Variants in TRIM58 observed in about 807,000 individuals in gnomAD.
TRIM58 encodes the protein tripartite motif containing 58.
TRIM58 carries 38 observed loss-of-function variants against 34.1 expected under a neutral mutation model. That is an observed-to-expected ratio of 1.12 (90% CI 0.86 to 1.46). The LOEUF (loss-of-function observed/expected upper bound fraction) is 1.46, where lower values mean the gene tolerates loss of function less well. Among genes scored for constraint, TRIM58 ranks in the 40% most tolerant of loss-of-function variants. The pLI is 0.00. For missense variants in TRIM58, 677 were observed against 642.0 expected (o/e 1.05, Z -0.59); for synonymous variants, 273 against 275.7 (o/e 0.99, Z 0.10).
chr1:247,863,586 C>T (rs1663850211), intron 2 of TRIM58, among the ~76,000 whole-genome samples: 1 of 151,720 alleles, frequency 6.6e-6, no homozygotes, highest in Admixed American at 6.6e-5. Flanking sequence ...ACCTACAAGG[C>T]CGTATAACAA....
At chr1:247,870,024 A>G (rs1659066049) in intron 5 of TRIM58, among the ~76,000 whole-genome samples, 1 of 152,096 alleles carries the variant, frequency 6.6e-6, no homozygotes, top group Non-Finnish European at 1.5e-5. Flanking sequence ...AAGTGTTGAA[A>G]AGTAGACAGT....
chr1:247,861,339 T>C (rs907512258), intron 2 of TRIM58, among the ~76,000 whole-genome samples: 7 of 152,088 alleles, frequency 4.6e-5, no homozygotes, highest in African/African-American at 1.4e-4. Flanking sequence ...GATAACATTT[T>C]GCAATTTCTG....
At position 247,857,612 on chromosome 1, in the gene TRIM58, C is replaced by G; in HGVS notation, c.366C>G (p.Pro122=). The G allele has an allele frequency of 1.6e-6, 2 of 1,257,154 alleles. No individual in the cohort carries two copies. The highest frequency in any genetic ancestry group is 1.0e-6 in the Non-Finnish European group (1 of 1,004,100). 77.9% of individuals were successfully genotyped at this position (1,257,154 alleles called of 1,614,324 possible). A position where few individuals can be genotyped will look rare whatever the true frequency, so the allele number is the denominator to read the frequency against. Residue 122 remains proline (P), a synonymous_variant, in exon 1 of 6, where the codon CCC becomes CCG. Coordinates refer to ENST00000366481, the MANE Select transcript of TRIM58 (RefSeq NM_015431.4). ...AALCWVCDAG[P]EHRTHRTAPL... ...TGTGCTGGGTGTGCGACGCCGGCCCCGAGCACAGGACGCACCGCACGGCGC... is the reference window on the plus strand; with the variant it reads ...TGTGCTGGGTGTGCGACGCCGGCCCGGAGCACAGGACGCACCGCACGGCGC...
chr1:247,862,113 A>T (rs1663806668), intron 2 of TRIM58, among the ~76,000 whole-genome samples: 1 of 152,126 alleles, frequency 6.6e-6, no homozygotes, highest in South Asian at 2.1e-4. Context: ...GGGCAACAAG[A>T]GTGAAACTCT....
At chr1:247,859,152 A>G (rs1663719021) in intron 1 of TRIM58, among the ~76,000 whole-genome samples, 1 of 152,116 alleles carries the variant, frequency 6.6e-6, no homozygotes, top group African/African-American at 2.4e-5. Context: ...TCTCAGTGAA[A>G]GCTTTCTAGG....
chr1:247,878,234 A>T lies in TRIM58; in HGVS notation c.*1745A>T, dbSNP rs914787230. 1.3e-5 allele frequency: 2 copies of T among 152,112 alleles called. No homozygotes were observed. Among genetic ancestry groups the T allele is most frequent in the Non-Finnish European group, 2.9e-5 (2 of 68,032 alleles). The allele number at this position is 152,112 out of a possible 1,614,324, so 9.4% of individuals were successfully genotyped here. A position where few individuals can be genotyped will look rare whatever the true frequency, so the allele number is the denominator to read the frequency against. ...ATTACACAAATGCTAAAATGTTTAA[A>T]TGGTAAATGCTTCAATGCTAACCAA... On this transcript the variant is annotated 3_prime_UTR_variant, in exon 6 of 6. Coordinates refer to ENST00000366481, the MANE Select transcript of TRIM58 (RefSeq NM_015431.4).
In TRIM58 at chr1:247,876,539, G is replaced by A; in HGVS notation, c.*50G>A. On this transcript the variant is annotated 3_prime_UTR_variant, in exon 6 of 6. Coordinates refer to ENST00000366481, the MANE Select transcript of TRIM58 (RefSeq NM_015431.4). ...TAGCGTAGCGAACGTTCCTGGAGTG[G>A]GGTGAAGGATATCAATATACTAAGT... 7.0e-7 allele frequency: 1 copy of A among 1,430,494 alleles called. No homozygotes were observed. The allele number at this position is 1,430,494 out of a possible 1,614,324, so 88.6% of individuals were successfully genotyped here.
Position 247,870,106 on chromosome 1 carries a change from T to A in TRIM58, c.871+2043T>A, listed in dbSNP as rs114068303. ...CTTCCTGCAATATGAGCTAAATTAA[T>A]TAAAATGCAGGGACTTCAGGCAGAT... On this transcript the variant is annotated intron_variant, in intron 5 of 5. Coordinates refer to ENST00000366481, the MANE Select transcript of TRIM58 (RefSeq NM_015431.4). Among the ~76,000 whole-genome samples, 523 of 152,292 alleles carry A rather than the reference T, an allele frequency of 3.4e-3. 3 individuals carry two copies. The highest frequency in any genetic ancestry group is 0.011 in the African/African-American group (454 of 41,562).
At chr1:247,857,828 G>A (rs1340674688) in intron 1 of TRIM58, among the ~76,000 whole-genome samples, 162 bp downstream of exon 1, 1 of 152,118 alleles carries the variant, frequency 6.6e-6, no homozygotes, top group Non-Finnish European at 1.5e-5. Flanking sequence ...CTCAGTGTGG[G>A]TCTCTTTGCC....
At position 247,864,782 on chromosome 1, in the gene TRIM58, A is replaced by G. The variant is rs376297025; in HGVS notation, c.594A>G (p.Gln198=). The change falls in exon 3 of 6, where the codon CAA becomes CAG. Residue 198 remains glutamine, a synonymous_variant. Coordinates refer to ENST00000366481, the MANE Select transcript of TRIM58 (RefSeq NM_015431.4). ...KHRGFLAQEE[Q]RQLRRLEAEE... ...GTGGCTTTCTGGCCCAGGAGGAGCA[A>G]CGGCAGCTGAGGCGGCTGGAGGCGG... The G allele has an allele frequency of 1.2e-6, 2 of 1,614,148 alleles. No homozygotes were observed. The highest frequency in any genetic ancestry group is 1.7e-6 in the Non-Finnish European group (2 of 1,180,024).
intron 1 of TRIM58, among the ~76,000 whole-genome samples, chr1:247,857,974 C>T (rs2103318742): frequency 6.6e-6 from 1 of 152,338 alleles, no homozygotes. Flanking sequence ...CTCAGCTGGG[C>T]TCTGGTCGGG....
chr1:247,876,168 G>A lies in TRIM58; in HGVS notation c.1140G>A (p.Gly380=), dbSNP rs1429302195. Residue 380 remains glycine, a synonymous_variant, in exon 6 of 6, where the codon GGG becomes GGA. Transcript: ENST00000366481. ...AAACCACGCCATCTCCTGAGAATGGGGTCTGGGCCCTGTGGCTGCTGAAAG... is the reference window on the plus strand; with the variant it reads ...AAACCACGCCATCTCCTGAGAATGGAGTCTGGGCCCTGTGGCTGCTGAAAG... The part of the protein sequence containing the change: ...KGETTPSPEN[G]VWALWLLKGN... 6 of 1,614,200 alleles carry A rather than the reference G, an allele frequency of 3.7e-6. No individual in the cohort carries two copies. Among genetic ancestry groups the A allele is most frequent in the East Asian group, 2.2e-5 (1 of 44,888 alleles).
rs961504540 is a variant in TRIM58, at chr1:247,878,676, G to A, written c.*2187G>A. On this transcript the variant is annotated 3_prime_UTR_variant, in exon 6 of 6. Coordinates refer to ENST00000366481, the MANE Select transcript of TRIM58 (RefSeq NM_015431.4). ...TGGGGCACCACCCATTCAGTGAGAC[G>A]GGGAAGCCCTGGGTGGGAGGGAGAA... is the stretch of plus-strand genomic sequence containing the variant. Among the ~76,000 whole-genome samples, 4 of 152,124 alleles carry A rather than the reference G, an allele frequency of 2.6e-5. No homozygotes were observed. Among genetic ancestry groups the A allele is most frequent in the Non-Finnish European group, 1.5e-5 (1 of 68,032 alleles).
At chr1:247,874,778 T>C (rs777280520) in intron 5 of TRIM58, among the ~76,000 whole-genome samples, 3 of 152,212 alleles carry the variant, frequency 2.0e-5, no homozygotes, top group Non-Finnish European at 4.4e-5. Context: ...AGCTGGCTCC[T>C]CTGCTTAGGT....
At chr1:247,859,138 A>G (rs978516693) in intron 1 of TRIM58, among the ~76,000 whole-genome samples, 2 of 152,060 alleles carry the variant, frequency 1.3e-5, no homozygotes, top group Non-Finnish European at 2.9e-5. Context: ...TAAACTCCTG[A>G]GCCTCTCAGT....
chr1:247,867,749 G>A (rs1663963893), intron 3 of TRIM58, 96 bp from the exon 4 acceptor site: 1 of 1,315,952 alleles, frequency 7.6e-7, no homozygotes, highest in African/African-American at 1.5e-5. Flanking sequence ...ATAATGTTTT[G>A]CAGTAGTTTC....
chr1:247,857,510 C>A lies in TRIM58; in HGVS notation c.264C>A (p.Gly88=). 1 of 1,289,238 alleles carries A rather than the reference C, an allele frequency of 7.8e-7. No individual in the cohort carries two copies. Among genetic ancestry groups the A allele is most frequent in the South Asian group, 2.7e-5 (1 of 37,162 alleles). The allele number at this position is 1,289,238 out of a possible 1,614,324, so 79.9% of individuals were successfully genotyped here. A position where few individuals can be genotyped will look rare whatever the true frequency, so the allele number is the denominator to read the frequency against. Reference sequence around the variant, plus strand: ...AGAGCGTGCGGCGGCTGGGGTTGGGCGCGGGGCCCGGGGCGCGGCGATGCG... The same window carrying A: ...AGAGCGTGCGGCGGCTGGGGTTGGGAGCGGGGCCCGGGGCGCGGCGATGCG... The part of the protein sequence containing the change: ...LVESVRRLGL[G]AGPGARRCAR... Residue 88 remains glycine (G), a synonymous_variant, in exon 1 of 6, where the codon GGC becomes GGA. Coordinates refer to ENST00000366481, the MANE Select transcript of TRIM58 (RefSeq NM_015431.4).
rs1394847259 is a variant in TRIM58 at position 247,864,692 on chromosome 1, G to A, written c.517-13G>A. 4.3e-6 allele frequency: 7 copies of A among 1,613,022 alleles called. No homozygotes were observed. The highest frequency in any genetic ancestry group is 2.2e-5 in the South Asian group (2 of 90,842). On this transcript the variant is annotated splice_polypyrimidine_tract_variant and intron_variant, in intron 2 of 5. Coordinates refer to ENST00000366481, the MANE Select transcript of TRIM58 (RefSeq NM_015431.4). ...GCCAAGCACTGACGATGTGATCCACGGTGTCACCTCAGGAGAAAGTGGAAA... is the reference window on the plus strand; with the variant it reads ...GCCAAGCACTGACGATGTGATCCACAGTGTCACCTCAGGAGAAAGTGGAAA...
chr1:247,876,475 G>C lies in TRIM58; in HGVS notation c.1447G>C (p.Asp483His). 4 of 1,613,248 alleles carry C rather than the reference G, an allele frequency of 2.5e-6. No individual in the cohort carries two copies. The change falls in exon 6 of 6, where the codon GAT becomes CAT. Residue 483 changes from aspartate (D) to histidine (H), a missense_variant. Transcript: ENST00000366481. Reference sequence around the variant, plus strand: ...TTTAGATCCTGCTTCTGATGTAAGAGATGATCATCTCTAAAATTCTGTTCC... The same window carrying C: ...TTTAGATCCTGCTTCTGATGTAAGACATGATCATCTCTAAAATTCTGTTCC... Reference protein sequence around the residue: ...DHLDPASDVRDDHL With the variant: ...DHLDPASDVRHDHL
Sources: gnomAD v4.1 joint callset for allele counts (sites outside exome capture counted in the v4.1 genomes callset) on GRCh38, gnomAD v4.1.1 for gene constraint, MANE v1.5 for transcripts, NCBI Gene and HGNC (gene_info 2026-07-23, HGNC 2026-07-21) for gene names.